Variants in ACBD6 observed in about 807,000 individuals in gnomAD.
ACBD6 encodes acyl-CoA-binding domain-containing protein 6.
A neutral mutation model predicts 37.2 loss-of-function variants in ACBD6; 28 were observed. That is an observed-to-expected ratio of 0.75 (90% CI 0.56 to 1.03). ACBD6 has a LOEUF of 1.03. Ranked by LOEUF, ACBD6 falls within the 50% of genes least tolerant of loss-of-function variation. The probability of loss-of-function intolerance (pLI) is 0.00; values close to 1 mark genes in which losing one functional copy is unlikely to be tolerated. For missense variants in ACBD6, 340 were observed against 337.4 expected, an observed-to-expected ratio of 1.01 and a Z score of -0.06; for synonymous variants, 113 against 126.8, an observed-to-expected ratio of 0.89 and a Z score of 0.73.
At chr1:180,312,879 G>A (rs76316883) in intron 7 of ACBD6, among the ~76,000 whole-genome samples, 2 of 152,162 alleles carry the variant, frequency 1.3e-5, no homozygotes, top group Non-Finnish European at 2.9e-5. Context: ...GAGGTACAGT[G>A]TAAGTTAAGT....
intron 7 of ACBD6, among the ~76,000 whole-genome samples, chr1:180,297,236 G>GAGCC (rs1649953387): frequency 6.6e-6 from 1 of 152,130 alleles, no homozygotes. Context: ...AGTGTGCACA[G>GAGCC]AGCCGACAGC....
At chr1:180,419,896 T>A (rs1648283672) in intron 4 of ACBD6, among the ~76,000 whole-genome samples, 1 of 152,190 alleles carries the variant, frequency 6.6e-6, no homozygotes, top group Non-Finnish European at 1.5e-5. Flanking sequence ...TGTAGCTTTG[T>A]GAAAATACAC....
chr1:180,495,976 T>C (rs1651723104), intron 1 of ACBD6, among the ~76,000 whole-genome samples: 1 of 152,138 alleles, frequency 6.6e-6, no homozygotes, highest in Non-Finnish European at 1.5e-5. Context: ...ATTTTAACTC[T>C]CCAAAATTCC....
chr1:180,361,239 T>C (rs1264603072), intron 6 of ACBD6, among the ~76,000 whole-genome samples: 2 of 151,086 alleles, frequency 1.3e-5, no homozygotes, highest in African/African-American at 4.9e-5. Flanking sequence ...AAATTGTAGG[T>C]GGGGATAGTT....
chr1:180,302,366 T>A (rs1571335181), intron 7 of ACBD6, among the ~76,000 whole-genome samples: 5 of 151,462 alleles, frequency 3.3e-5, no homozygotes, highest in Admixed American at 2.0e-4. Context: ...TATATTCATT[T>A]AAAAAAAAAC....
At chr1:180,306,732 A>G (rs1650394491) in intron 7 of ACBD6, among the ~76,000 whole-genome samples, 1 of 152,198 alleles carries the variant, frequency 6.6e-6, no homozygotes, top group South Asian at 2.1e-4. Flanking sequence ...TGAAGGTCCC[A>G]ATGTTTAAAT....
intron 1 of ACBD6, among the ~76,000 whole-genome samples, chr1:180,499,443 G>C (rs1651863817): frequency 6.6e-6 from 1 of 152,080 alleles, no homozygotes; most frequent in African/African-American, 2.4e-5. Flanking sequence ...AAAGGATGAG[G>C]GACATCCCTC....
chr1:180,481,800 T>C (rs558534085), intron 3 of ACBD6, among the ~76,000 whole-genome samples: 1 of 152,348 alleles, frequency 6.6e-6, no homozygotes, highest in South Asian at 2.1e-4. Context: ...AAGAGAATTA[T>C]AAGGAAATTA....
chr1:180,456,768 G>C (rs1488898941), intron 3 of ACBD6, among the ~76,000 whole-genome samples: 1 of 151,832 alleles, frequency 6.6e-6, no homozygotes, highest in Non-Finnish European at 1.5e-5. Flanking sequence ...CTGTTGCCCA[G>C]GTTGGAGTAC....
intron 6 of ACBD6, among the ~76,000 whole-genome samples, chr1:180,377,006 C>T (rs1030135327): frequency 3.9e-5 from 6 of 151,994 alleles, no homozygotes; most frequent in Non-Finnish European, 1.5e-5. Flanking sequence ...AACCGTAAGG[C>T]TAATGGCAAA....
intron 6 of ACBD6, among the ~76,000 whole-genome samples, chr1:180,328,546 C>G (rs1651346738): frequency 6.6e-6 from 1 of 151,794 alleles, no homozygotes; most frequent in African/African-American, 2.4e-5. Flanking sequence ...CTAGATTTTC[C>G]CATGATATGG....
intron 9 of ACBD6, chr1:180,277,571 G>A (rs1377876206): frequency 1.3e-5 from 2 of 152,106 alleles, no homozygotes; most frequent in Admixed American, 1.3e-4. Context: ...TCTGTTTGTT[G>A]GAACGTAATG....
At chr1:180,464,302 C>A (rs1650266689) in intron 3 of ACBD6, among the ~76,000 whole-genome samples, 1 of 152,082 alleles carries the variant, frequency 6.6e-6, no homozygotes, top group African/African-American at 2.4e-5. Flanking sequence ...TAGTCTCGGC[C>A]CCAAAGCTCC....
At chr1:180,403,712 G>A (rs910905125) in intron 5 of ACBD6, among the ~76,000 whole-genome samples, 1 of 152,080 alleles carries the variant, frequency 6.6e-6, no homozygotes, top group Admixed American at 6.5e-5. Context: ...AACAAAATGT[G>A]GTATATGCAT....
At chr1:180,419,271 T>C (rs1024123847) in intron 4 of ACBD6, among the ~76,000 whole-genome samples, 1 of 152,198 alleles carries the variant, frequency 6.6e-6, no homozygotes, top group African/African-American at 2.4e-5. Context: ...TATATTGTTC[T>C]TGAAATCCTG....
At chr1:180,373,475 G>A (rs1164829883) in intron 6 of ACBD6, among the ~76,000 whole-genome samples, 2 of 152,122 alleles carry the variant, frequency 1.3e-5, no homozygotes, top group African/African-American at 4.8e-5. Flanking sequence ...TCCTATAGCT[G>A]GCTAATGCAT....
intron 3 of ACBD6, among the ~76,000 whole-genome samples, chr1:180,482,665 C>T (rs539581754): frequency 9.2e-5 from 14 of 152,048 alleles, no homozygotes; most frequent in South Asian, 4.2e-4. Flanking sequence ...CGAGTAGAAA[C>T]GGAGGAAGAG....
intron 6 of ACBD6, among the ~76,000 whole-genome samples, chr1:180,333,709 G>T (rs1350982053): frequency 2.9e-4 from 44 of 152,180 alleles, no homozygotes; most frequent in Admixed American, 2.6e-3. Context: ...GCCAAAGCAG[G>T]GCAAGGCATC....
At chr1:180,475,864 T>C (rs1650757249) in intron 3 of ACBD6, among the ~76,000 whole-genome samples, 2 of 152,164 alleles carry the variant, frequency 1.3e-5, no homozygotes, top group South Asian at 4.1e-4. Flanking sequence ...TGATGGAAAA[T>C]GCTATAACAC....
Sources: allele counts gnomAD v4.1 joint callset (sites outside exome capture counted in the v4.1 genomes callset), GRCh38; gene constraint gnomAD v4.1.1; transcripts MANE v1.5; gene names NCBI Gene and HGNC (gene_info 2026-07-23, HGNC 2026-07-21).